ATP8B3: variants seen among roughly 807,000 people sequenced by gnomAD.
ATP8B3 encodes the protein phospholipid-transporting ATPase IK.
ATP8B3 carries 141 observed loss-of-function variants against 140.9 expected under a neutral mutation model. The ratio of observed to expected loss-of-function variants is 1.00; its 90% CI spans 0.87 to 1.15. The LOEUF (loss-of-function observed/expected upper bound fraction) is 1.15. Ranked by LOEUF, ATP8B3 falls within the 50% of genes most tolerant of loss-of-function variation. The pLI, the probability that ATP8B3 is intolerant of heterozygous loss-of-function variation, is 0.00. For missense variants in ATP8B3, 1,874 were observed against 1,740.6 expected, an observed-to-expected ratio of 1.08 and a Z score of -1.36; for synonymous variants, 765 against 714.6, an observed-to-expected ratio of 1.07 and a Z score of -1.13.
Position 1,809,746 on chromosome 19 carries a change from G to T in ATP8B3, c.311-12C>A. ...CTTCCAGGTGAATGCTGCAGCGAGA[G>T]AGCCGGGCGTCGCTGGAGCTCGAGG... is the stretch of plus-strand genomic sequence containing the variant. On this transcript the variant is annotated splice_polypyrimidine_tract_variant and intron_variant, in intron 3 of 28. Coordinates refer to ENST00000310127, the MANE Select transcript of ATP8B3 (RefSeq NM_138813.4). 1.3e-6 allele frequency: 2 copies of T among 1,599,010 alleles called. No homozygotes were observed. Among genetic ancestry groups the T allele is most frequent in the Non-Finnish European group, 8.5e-7 (1 of 1,172,926 alleles).
chr19:1,793,079 ATTCT>A (rs1488105893), intron 18 of ATP8B3, among the ~76,000 whole-genome samples: 2 of 148,076 alleles, frequency 1.4e-5, no homozygotes, highest in African/African-American at 2.5e-5. Context: ...TGCACAGCAA[ATTCT>A]TTTTTTTTTT....
intron 11 of ATP8B3, among the ~76,000 whole-genome samples, chr19:1,802,265 T>A (rs1345785612): frequency 9.1e-5 from 1 of 10,964 alleles, no homozygotes; most frequent in Non-Finnish European, 1.5e-4. Flanking sequence ...CACCCCCCAC[T>A]CATCCACCCA....
chr19:1,784,297 G>A (rs537444125), intron 28 of ATP8B3, among the ~76,000 whole-genome samples: 6 of 152,210 alleles, frequency 3.9e-5, no homozygotes, highest in South Asian at 2.1e-4. Flanking sequence ...GGAGGATTGC[G>A]TGAGCCCAGG....
Position 1,805,971 on chromosome 19 carries a change from G to T in ATP8B3, c.751-13C>A, listed in dbSNP as rs377532330. ...AGAGCATGTCGGCCTGGTGTGGAGT[G>T]GGGGGCAGCGTTGCAAGAGGGGATG... On this transcript the variant is annotated splice_polypyrimidine_tract_variant and intron_variant, in intron 8 of 28. Transcript: ENST00000310127. This position sits in a 1 kb window ranked among gnomAD's most constrained non-coding sequence, Gnocchi z 5.2. The T allele has an allele frequency of 1.9e-5, 31 of 1,612,410 alleles. No individual in the cohort carries two copies. In the African/African-American group the frequency reaches 2.8e-4, roughly 15 times the overall value.
At chr19:1,785,752 G>GCC in intron 25 of ATP8B3, 44 bp from the exon 26 acceptor site, 1 of 1,039,638 alleles carries the variant, frequency 9.6e-7, no homozygotes, top group Non-Finnish European at 1.4e-6. Context: ...GGGGGCGGGG[G>GCC]ACACCCAACA....
chr19:1,802,762 A>T, intron 10 of ATP8B3, 117 bp from the exon 11 acceptor site: 6 of 1,270,758 alleles, frequency 4.7e-6, no homozygotes, highest in Non-Finnish European at 6.5e-6. Flanking sequence ...CTGTGCCCCA[A>T]ACTTGCCCTA....
Position 1,796,236 on chromosome 19 carries a change from CG to C in ATP8B3, c.1782del (p.Asp595ThrfsTer40), listed in dbSNP as rs1013590671. ...PDQLLYQAAS[P>X]DEGALVTAAR... The stretch of plus-strand genomic sequence containing the variant: ...GCTGCGGTGACCAGCGCCCCCTCGT[CG>C]GGGGAGGCCGCCTGGTACAACAGCT... On this transcript the variant is annotated frameshift_variant, in exon 17 of 29. Transcript: ENST00000310127. LOFTEE classifies it high-confidence loss of function. The C allele has an allele frequency of 3.3e-5, 53 of 1,611,900 alleles. No individual in the cohort carries two copies. Among genetic ancestry groups the C allele is most frequent in the Non-Finnish European group, 4.4e-5 (52 of 1,179,644 alleles).
At position 1,806,720 on chromosome 19, in the gene ATP8B3, C is replaced by G; in HGVS notation, c.616-31G>C. ...CCAGGAGGGAAAGGATCAGAGAGAC[C>G]GTCCAGCCTCTCCTGCCCCCGCCCA... is the stretch of plus-strand genomic sequence containing the variant. On this transcript the variant is annotated intron_variant, in intron 6 of 28. Coordinates refer to ENST00000310127, the MANE Select transcript of ATP8B3 (RefSeq NM_138813.4). The surrounding 1 kb of genome is among the most constrained non-coding windows in gnomAD (Gnocchi z 5.6). 6.4e-7 allele frequency: 1 copy of G among 1,550,408 alleles called. No homozygotes were observed. The highest frequency in any genetic ancestry group is 8.7e-7 in the Non-Finnish European group (1 of 1,146,434).
chr19:1,787,792 C>G (rs1165033391), intron 24 of ATP8B3, among the ~76,000 whole-genome samples: 1 of 145,114 alleles, frequency 6.9e-6, no homozygotes, highest in African/African-American at 2.6e-5. Flanking sequence ...GCCTGTAATC[C>G]CAGCACTTTG....
chr19:1,793,732 A>G (rs1032048232), intron 18 of ATP8B3, among the ~76,000 whole-genome samples: 4 of 151,940 alleles, frequency 2.6e-5, no homozygotes, highest in African/African-American at 7.2e-5. Flanking sequence ...AAATTTGTTT[A>G]TTTATTTATT....
At chr19:1,793,221 G>A (rs1452487751) in intron 18 of ATP8B3, among the ~76,000 whole-genome samples, 1 of 151,486 alleles carries the variant, frequency 6.6e-6, no homozygotes, top group East Asian at 1.9e-4. Context: ...CTTCCAAATA[G>A]CTGGGATCAT....
At chr19:1,790,973 A>C in intron 20 of ATP8B3, 141 bp from the exon 21 acceptor site, 1 of 724,438 alleles carries the variant, frequency 1.4e-6, no homozygotes, top group Non-Finnish European at 2.3e-6. Context: ...ATTGGTTCAG[A>C]GAAGGGCTTG....
intron 24 of ATP8B3, among the ~76,000 whole-genome samples, chr19:1,788,413 G>A (rs1454281723): frequency 2.0e-5 from 3 of 152,166 alleles, no homozygotes; most frequent in African/African-American, 7.2e-5. Context: ...ACTTTGGGAG[G>A]CCAAAGTGAG....
chr19:1,802,407 A>AACCCCCCCCCCCCCCCCC, intron 11 of ATP8B3, 80 bp downstream of exon 11: 7 of 318,102 alleles, frequency 2.2e-5, no homozygotes, highest in South Asian at 8.1e-5. Context: ...CCACCCACCT[A>AACCCCCCCCCCCCCCCCC]CCCACCCACC....
At chr19:1,790,953 G>A (rs2068489892) in intron 20 of ATP8B3, 121 bp from the exon 21 acceptor site, 2 of 813,658 alleles carry the variant, frequency 2.5e-6, no homozygotes, top group Non-Finnish European at 3.9e-6. Context: ...CCCACCCCCT[G>A]GCCATGGTGA....
In ATP8B3 at chr19:1,805,132, C is replaced by T. The variant is rs2068970316; in HGVS notation, c.904+242G>A. 1.2e-5 allele frequency: 6 copies of T among 481,110 alleles called. No individual in the cohort carries two copies. Among genetic ancestry groups the T allele is most frequent in the Admixed American group, 6.1e-5 (2 of 32,692 alleles). The allele number at this position is 481,110 out of a possible 1,614,324, so 29.8% of individuals were successfully genotyped here. A position where few individuals can be genotyped will look rare whatever the true frequency, so the allele number is the denominator to read the frequency against. On this transcript the variant is annotated intron_variant, in intron 10 of 28. Transcript: ENST00000310127. The surrounding 1 kb of genome is among the most constrained non-coding windows in gnomAD (Gnocchi z 5.2). Reference sequence around the variant, plus strand: ...CTGGGACCACCGGCATGTGCCACCACGCCCAGCTACTTGTTTTATTTTTGT... The same window carrying T: ...CTGGGACCACCGGCATGTGCCACCATGCCCAGCTACTTGTTTTATTTTTGT...
chr19:1,806,102 C>A lies in ATP8B3; in HGVS notation c.745G>T (p.Val249Phe). 6.2e-7 allele frequency: 1 copy of A among 1,602,210 alleles called. No individual in the cohort carries two copies. Among genetic ancestry groups the A allele is most frequent in the Non-Finnish European group, 8.5e-7 (1 of 1,174,956 alleles). Reference sequence around the variant, plus strand: ...CGGGGTCAACCCCAGCTCACTGGGACGATGTTGTCCTTGCGGAGACAGACC... The same window carrying A: ...CGGGGTCAACCCCAGCTCACTGGGAAGATGTTGTCCTTGCGGAGACAGACC... Reference protein sequence around the residue: ...DVVCLRKDNIVPADMLLLAST... With the variant: ...DVVCLRKDNIFPADMLLLAST... Residue 249 changes from valine (V) to phenylalanine (F), a missense_variant, in exon 8 of 29, where the codon GTC becomes TTC. By Grantham distance (50) the Val-to-Phe change is conservative (BLOSUM62 -1). Coordinates refer to ENST00000310127, the MANE Select transcript of ATP8B3 (RefSeq NM_138813.4). This position sits in a 1 kb window ranked among gnomAD's most constrained non-coding sequence, Gnocchi z 5.6.
In ATP8B3 at chr19:1,788,886, G is replaced by A. The variant is rs1357003086; in HGVS notation, c.3069+11C>T. 5 of 1,575,138 alleles carry A rather than the reference G, an allele frequency of 3.2e-6. No homozygotes were observed. Among genetic ancestry groups the A allele is most frequent in the Admixed American group, 3.7e-5 (2 of 54,010 alleles). ...GCCCTGGTCATGGGGCAGCCAGGGTGGGGGACGCACCTGGCCGGTGAAGCC... is the reference window on the plus strand; with the variant it reads ...GCCCTGGTCATGGGGCAGCCAGGGTAGGGGACGCACCTGGCCGGTGAAGCC... On this transcript the variant is annotated intron_variant, in intron 24 of 28. Transcript: ENST00000310127.
chr19:1,783,055 T>C lies in ATP8B3; in HGVS notation c.3876A>G (p.Ala1292=). The change falls in exon 29 of 29, where the codon GCA becomes GCG. Residue 1292 remains alanine (A), a synonymous_variant. Transcript: ENST00000310127. ...SESLDPSDEE[A]ASSPKESQ is the part of the protein sequence containing the mutation. Reference sequence around the variant, plus strand: ...ACTGTGACTCTTTTGGGCTCGAAGCTGCCTCTTCATCAGATGGGTCTAGGG... The same window carrying C: ...ACTGTGACTCTTTTGGGCTCGAAGCCGCCTCTTCATCAGATGGGTCTAGGG... 1 of 1,611,380 alleles carries C rather than the reference T, an allele frequency of 6.2e-7. No individual in the cohort carries two copies. The highest frequency in any genetic ancestry group is 1.1e-5 in the South Asian group (1 of 90,346).
Sources: allele counts gnomAD v4.1 joint callset (sites outside exome capture counted in the v4.1 genomes callset), GRCh38; gene constraint gnomAD v4.1.1; non-coding constraint Gnocchi (gnomAD v3.1); transcripts MANE v1.5; gene names NCBI Gene and HGNC (gene_info 2026-07-23, HGNC 2026-07-21).